KALRN: variants seen among roughly 807,000 people sequenced by gnomAD.
KALRN encodes kalirin RhoGEF kinase, also known as kalirin.
Under a neutral mutation model 353.7 loss-of-function variants are expected in KALRN, and 70 were observed. The ratio of observed to expected loss-of-function variants is 0.20; its 90% CI spans 0.16 to 0.24. The LOEUF is 0.24. Among genes scored for constraint, KALRN ranks in the 10% least tolerant of loss-of-function variants. KALRN has a pLI of 1.00. For synonymous variants in KALRN, 1,391 were observed against 1,434.8 expected (o/e 0.97, Z 0.69); for missense variants, 2,791 against 3,756.7 (o/e 0.74, Z 6.72).
At chr3:124,395,928 C>A (rs1309396237) in intron 12 of KALRN, among the ~76,000 whole-genome samples, 1 of 152,172 alleles carries the variant, frequency 6.6e-6, no homozygotes, top group East Asian at 1.9e-4. Flanking sequence ...GGAGACAAAT[C>A]CTGTCTAAAA....
intron 13 of KALRN, among the ~76,000 whole-genome samples, chr3:124,408,428 T>C (rs1291649288): frequency 6.6e-6 from 1 of 152,214 alleles, no homozygotes; most frequent in East Asian, 1.9e-4. Context: ...CATTAAATGC[T>C]CAGCTCTACC....
intron 17 of KALRN, among the ~76,000 whole-genome samples, chr3:124,435,366 A>G (rs2093424164): frequency 6.6e-6 from 1 of 152,230 alleles, no homozygotes; most frequent in Non-Finnish European, 1.5e-5. Flanking sequence ...AAAAGGCAGG[A>G]GCTGGACAGT....
At chr3:124,617,204 T>C (rs1416977297) in intron 34 of KALRN, among the ~76,000 whole-genome samples, 1 of 151,904 alleles carries the variant, frequency 6.6e-6, no homozygotes, top group Non-Finnish European at 1.5e-5. Context: ...CATGGTGGCA[T>C]GAGGCTATAG....
At chr3:124,555,651 A>G (rs2071149484) in intron 33 of KALRN, among the ~76,000 whole-genome samples, 1 of 152,162 alleles carries the variant, frequency 6.6e-6, no homozygotes, top group Non-Finnish European at 1.5e-5. Flanking sequence ...GTAAGATACT[A>G]ATAGGAATAG....
At chr3:124,569,000 C>T (rs1000475354) in intron 34 of KALRN, among the ~76,000 whole-genome samples, 2 of 152,154 alleles carry the variant, frequency 1.3e-5, no homozygotes, top group African/African-American at 4.8e-5. Flanking sequence ...AAGTATTGGT[C>T]CTGGGTACTT....
At chr3:124,592,921 T>C (rs2075944388) in intron 34 of KALRN, among the ~76,000 whole-genome samples, 1 of 152,252 alleles carries the variant, frequency 6.6e-6, no homozygotes, top group Non-Finnish European at 1.5e-5. Flanking sequence ...ACATTCTTTT[T>C]GCCTTTCTGG....
intron 4 of KALRN, among the ~76,000 whole-genome samples, chr3:124,267,805 G>C (rs1051276315): frequency 6.6e-6 from 1 of 152,202 alleles, no homozygotes; most frequent in African/African-American, 2.4e-5. Flanking sequence ...AGCACTAACA[G>C]GGATTGAGCA....
chr3:124,065,295 C>T (rs1353292133), intron 1 of KALRN, among the ~76,000 whole-genome samples: 1 of 152,120 alleles, frequency 6.6e-6, no homozygotes, highest in African/African-American at 2.4e-5. Flanking sequence ...GAGCCCGGCC[C>T]TGTGCAAGGA....
intron 34 of KALRN, among the ~76,000 whole-genome samples, chr3:124,618,305 C>T (rs983847894): frequency 4.6e-5 from 7 of 150,838 alleles, no homozygotes; most frequent in East Asian, 3.9e-4. Context: ...TTAGTAGAGA[C>T]GGAGTTTCAC....
intron 51 of KALRN, among the ~76,000 whole-genome samples, chr3:124,686,542 G>C (rs1158056431): frequency 6.6e-5 from 10 of 152,158 alleles, no homozygotes; most frequent in Non-Finnish European, 1.5e-4. Flanking sequence ...CAAAAGCCCT[G>C]AGGTGGGAGG....
At chr3:124,447,709 A>G (rs925866213) in intron 21 of KALRN, among the ~76,000 whole-genome samples, 2 of 152,178 alleles carry the variant, frequency 1.3e-5, no homozygotes, top group South Asian at 2.1e-4. Flanking sequence ...CTCTGACACT[A>G]TAAGGAATGT....
intron 28 of KALRN, among the ~76,000 whole-genome samples, chr3:124,485,434 G>A (rs141851618): frequency 4.6e-5 from 7 of 152,316 alleles, no homozygotes; most frequent in African/African-American, 1.4e-4. Flanking sequence ...ATAGGCTTGT[G>A]TTTTGCTGTG....
At chr3:124,673,028 G>T (rs2086658120) in intron 48 of KALRN, among the ~76,000 whole-genome samples, 1 of 152,188 alleles carries the variant, frequency 6.6e-6, no homozygotes, top group South Asian at 2.1e-4. Context: ...ACCTGGAAAT[G>T]ATTTTCCACC....
At chr3:124,477,391 C>A in intron 27 of KALRN, 57 bp downstream of exon 27, 1 of 1,270,988 alleles carries the variant, frequency 7.9e-7, no homozygotes, top group Non-Finnish European at 1.1e-6. Flanking sequence ...TGCTTCTCTG[C>A]TTTGGCATAA....
intron 1 of KALRN, chr3:124,163,518 G>A: frequency 2.5e-6 from 2 of 801,100 alleles, no homozygotes; most frequent in Middle Eastern, 6.3e-4. Flanking sequence ...ATCTAATGCT[G>A]CATTATGGCA....
rs749812805 is a variant in KALRN at position 124,304,131 on chromosome 3, C to CACACACAT, written c.1092+5225_1092+5226insTACACACA. On this transcript the variant is annotated intron_variant, in intron 6 of 59. Coordinates refer to ENST00000682506, the MANE Select transcript of KALRN (RefSeq NM_001388419.1). ...GAATTTCTAGATTTTGTTGTAAACA[C>CACACACAT]ACACACACACACACACACACACACA... 4.3e-4 allele frequency among the ~76,000 whole-genome samples: 34 copies of CACACACAT among 78,344 alleles called. No individual in the cohort carries two copies. The East Asian group carries it at 0.012, about 29-fold the overall frequency. The allele number at this position is 78,344 out of a possible 152,430, so 51.4% of individuals were successfully genotyped here. A position where few individuals can be genotyped will look rare whatever the true frequency, so the allele number is the denominator to read the frequency against.
At chr3:124,368,383 G>A (rs1470101465) in intron 10 of KALRN, among the ~76,000 whole-genome samples, 6 of 149,130 alleles carry the variant, frequency 4.0e-5, no homozygotes, top group African/African-American at 7.4e-5. Context: ...CCTCCCAGAC[G>A]GGGTCGCGGC....
chr3:124,369,543 A>G (rs2085530937), intron 10 of KALRN, among the ~76,000 whole-genome samples: 2 of 152,262 alleles, frequency 1.3e-5, no homozygotes, highest in Admixed American at 1.3e-4. Flanking sequence ...ACATTGAAGA[A>G]TAATGTATAG....
chr3:124,497,410 A>G (rs1226243750), intron 33 of KALRN, among the ~76,000 whole-genome samples: 1 of 152,178 alleles, frequency 6.6e-6, no homozygotes, highest in East Asian at 1.9e-4. Flanking sequence ...TATTTCTTTT[A>G]AAGATGATCT....
Sources: gnomAD v4.1 joint callset for allele counts (sites outside exome capture counted in the v4.1 genomes callset) on GRCh38, gnomAD v4.1.1 for gene constraint, MANE v1.5 for transcripts, NCBI Gene and HGNC (gene_info 2026-07-23, HGNC 2026-07-21) for gene names.